The following BMERB1 variants were observed in gnomAD, a reference collection of about 807,000 sequenced individuals.
BMERB1 encodes the protein bMERB domain containing 1.
BMERB1 carries 12 observed loss-of-function variants against 23.6 expected under a neutral mutation model. That is an observed-to-expected ratio of 0.51 (90% CI 0.33 to 0.82). BMERB1 has a LOEUF of 0.82. Ranked by LOEUF, BMERB1 falls within the 40% of genes least tolerant of loss-of-function variation. The pLI is 0.03. For synonymous variants in BMERB1, 122 were observed against 96.6 expected (o/e 1.26, Z -1.54); for missense variants, 247 against 255.4 (o/e 0.97, Z 0.22).
chr16:15,436,353 G>A (rs1277637373), intron 1 of BMERB1, among the ~76,000 whole-genome samples: 2 of 150,886 alleles, frequency 1.3e-5, no homozygotes, highest in African/African-American at 2.4e-5. Context: ...CCACTTCCTG[G>A]GTTCAAGCGA....
intron 2 of BMERB1, among the ~76,000 whole-genome samples, chr16:15,544,633 A>C (rs1214212602): frequency 2.0e-5 from 3 of 152,204 alleles, no homozygotes; most frequent in Non-Finnish European, 2.9e-5. Flanking sequence ...GAATGTAAAC[A>C]ATTTTGCAGA....
chr16:15,473,129 G>A (rs1421769313), intron 1 of BMERB1, among the ~76,000 whole-genome samples: 1 of 151,628 alleles, frequency 6.6e-6, no homozygotes, highest in Non-Finnish European at 1.5e-5. Flanking sequence ...CGAAGTGTTG[G>A]GATTACAGGC....
chr16:15,438,462 CTA>C lies in BMERB1; in HGVS notation c.106+3705_106+3706del, dbSNP rs1491276183. On this transcript the variant is annotated intron_variant, in intron 1 of 5. Transcript: ENST00000300006. ...AATCTGGCAAGTTTTATTTTCTAGA[CTA>C]TTTTTTTTTTTTTTTGAGACAGGGT... is the stretch of plus-strand genomic sequence containing the variant. Among the ~76,000 whole-genome samples, 25 of 116,146 alleles carry C rather than the reference CTA, an allele frequency of 2.2e-4. 1 individual carries two copies. Among genetic ancestry groups the C allele is most frequent in the African/African-American group, 2.1e-4 (7 of 32,694 alleles). 76.2% of individuals were successfully genotyped at this position (116,146 alleles called of 152,430 possible).
intron 1 of BMERB1, among the ~76,000 whole-genome samples, chr16:15,455,554 G>C (rs977891444): frequency 6.6e-6 from 1 of 151,856 alleles, no homozygotes; most frequent in South Asian, 2.1e-4. Context: ...TCCGCCTCAC[G>C]GGTTCACGCC....
At chr16:15,467,647 GT>G (rs1411857897) in intron 1 of BMERB1, among the ~76,000 whole-genome samples, 8 of 152,098 alleles carry the variant, frequency 5.3e-5, no homozygotes, top group Admixed American at 4.6e-4. Context: ...TCCGTAGCTT[GT>G]TTTTTCACTT....
chr16:15,461,124 CAA>C (rs35746898), intron 1 of BMERB1, among the ~76,000 whole-genome samples: 16 of 131,258 alleles, frequency 1.2e-4, no homozygotes, highest in Non-Finnish European at 9.8e-5. Flanking sequence ...GACTCTGTCT[CAA>C]AAAAAAAAAA....
chr16:15,540,800 A>G (rs750459926), intron 2 of BMERB1, among the ~76,000 whole-genome samples: 18 of 152,090 alleles, frequency 1.2e-4, no homozygotes, highest in Non-Finnish European at 2.6e-4. Flanking sequence ...TCTTGAGCAA[A>G]TTGCTCGACT....
rs147067272 is a variant in BMERB1, at chr16:15,436,226, C to A, written c.106+1467C>A. 5.3e-3 allele frequency among the ~76,000 whole-genome samples: 804 copies of A among 150,564 alleles called. 8 individuals are homozygous for A. Among genetic ancestry groups the A allele is most frequent in the Middle Eastern group, 6.9e-3 (2 of 288 alleles). On this transcript the variant is annotated intron_variant, in intron 1 of 5. Transcript: ENST00000300006. The stretch of plus-strand genomic sequence containing the variant: ...ACACTCCTTTTTTAAAAAAGCCCAG[C>A]TGTGTGACTAATTATACTCTTTTAG...
intron 2 of BMERB1, among the ~76,000 whole-genome samples, chr16:15,515,693 G>C (rs1339589292): frequency 2.6e-5 from 4 of 152,184 alleles, no homozygotes; most frequent in Non-Finnish European, 5.9e-5. Flanking sequence ...GGGGAAGAAA[G>C]AGGGAAGGGA....
chr16:15,483,877 T>C (rs1029518091), intron 1 of BMERB1, among the ~76,000 whole-genome samples: 1 of 152,198 alleles, frequency 6.6e-6, no homozygotes, highest in Non-Finnish European at 1.5e-5. Flanking sequence ...TTCATGTTGC[T>C]GTAAAGGAAT....
At chr16:15,542,425 C>T (rs2052095649) in intron 2 of BMERB1, among the ~76,000 whole-genome samples, 2 of 152,070 alleles carry the variant, frequency 1.3e-5, no homozygotes, top group African/African-American at 2.4e-5. Flanking sequence ...CAACCTGAAG[C>T]CATCTCTCTA....
chr16:15,535,383 C>T (rs769774551), intron 2 of BMERB1, among the ~76,000 whole-genome samples: 1 of 152,010 alleles, frequency 6.6e-6, no homozygotes, highest in Non-Finnish European at 1.5e-5. Context: ...TGCGGTGGCT[C>T]ACGCCTGTAA....
At chr16:15,574,830 C>A (rs1232791782) in intron 3 of BMERB1, among the ~76,000 whole-genome samples, 1 of 152,136 alleles carries the variant, frequency 6.6e-6, no homozygotes, top group East Asian at 1.9e-4. Context: ...ATAATCCCAG[C>A]ACCCTGGGAG....
At chr16:15,491,055 G>T (rs1332232627) in intron 1 of BMERB1, among the ~76,000 whole-genome samples, 2 of 151,960 alleles carry the variant, frequency 1.3e-5, no homozygotes. Context: ...TTGATATATT[G>T]CCCAGGCTGG....
chr16:15,443,750 T>A (rs2050961456), intron 1 of BMERB1, among the ~76,000 whole-genome samples: 1 of 151,930 alleles, frequency 6.6e-6, no homozygotes, highest in African/African-American at 2.4e-5. Flanking sequence ...AAACCCTGTC[T>A]TTACTAAAAA....
At chr16:15,435,753 T>C (rs1437851129) in intron 1 of BMERB1, among the ~76,000 whole-genome samples, 1 of 152,092 alleles carries the variant, frequency 6.6e-6, no homozygotes, top group East Asian at 1.9e-4. Context: ...TGGTGGAAAA[T>C]TGTGTGTGCG....
At chr16:15,579,798 C>T (rs1365026109) in intron 3 of BMERB1, among the ~76,000 whole-genome samples, 1 of 152,176 alleles carries the variant, frequency 6.6e-6, no homozygotes, top group Non-Finnish European at 1.5e-5. Flanking sequence ...TCCCTCCCAG[C>T]ACCCCTATCT....
chr16:15,502,595 G>C (rs2051542015), intron 1 of BMERB1, among the ~76,000 whole-genome samples: 1 of 152,182 alleles, frequency 6.6e-6, no homozygotes, highest in African/African-American at 2.4e-5. Flanking sequence ...GTTGGAATGA[G>C]CTTCTTTCCT....
chr16:15,497,692 G>C (rs2051486867), intron 1 of BMERB1, among the ~76,000 whole-genome samples: 1 of 152,178 alleles, frequency 6.6e-6, no homozygotes, highest in Non-Finnish European at 1.5e-5. Flanking sequence ...TGTATCATCA[G>C]TTGTTAGTAT....
Sources: allele counts gnomAD v4.1 joint callset (sites outside exome capture counted in the v4.1 genomes callset), GRCh38; gene constraint gnomAD v4.1.1; transcripts MANE v1.5; gene names NCBI Gene and HGNC (gene_info 2026-07-23, HGNC 2026-07-21).